Variants in MAPDA observed in about 807,000 individuals in gnomAD.
MAPDA encodes N6,N6-dimethyl-AMP deaminase.
chr15:43,342,984 T>A, the MAPDA span: 5 of 1,549,902 alleles, frequency 3.2e-6, no homozygotes, highest in African/African-American at 6.9e-5. Context: ...TTTCTATGTG[T>A]CCTTTCTAGG....
chr15:43,348,916 CA>C, the MAPDA span: 4 of 1,611,804 alleles, frequency 2.5e-6, no homozygotes, highest in Admixed American at 3.3e-5. Flanking sequence ...GATTCCAAAC[CA>C]AAAAAAAGAA....
the MAPDA span, chr15:43,351,842 A>G: frequency 2.6e-6 from 4 of 1,551,568 alleles, no homozygotes; most frequent in Non-Finnish European, 3.5e-6. Flanking sequence ...CAGGTGTGGG[A>G]TCTGTCTTAT....
At chr15:43,352,858 G>A in the MAPDA span, 2 of 152,140 alleles carry the variant, frequency 1.3e-5, no homozygotes, top group African/African-American at 4.8e-5. Context: ...TTGTCCCATC[G>A]GTACTAGAAA....
the MAPDA span, chr15:43,343,220 T>A: frequency 1.8e-6 from 1 of 551,620 alleles, no homozygotes; most frequent in African/African-American, 2.0e-5. Flanking sequence ...ACCCTGTTGT[T>A]TAAAGTGAGA....
chr15:43,333,528 A>G, the MAPDA span: 2 of 152,016 alleles, frequency 1.3e-5, no homozygotes, highest in Admixed American at 6.6e-5. Context: ...ATTTTTTACT[A>G]TTTATTAAGC....
chr15:43,335,659 T>A, the MAPDA span: 1 of 1,572,978 alleles, frequency 6.4e-7, no homozygotes. Flanking sequence ...ATGAATCTAT[T>A]GGATATTTGA....
the MAPDA span, chr15:43,349,015 G>C: frequency 6.2e-7 from 1 of 1,614,204 alleles, no homozygotes; most frequent in Non-Finnish European, 8.5e-7. Context: ...GGATCTGGTG[G>C]ACTTTGTGAG....
chr15:43,351,201 C>G, the MAPDA span: 1 of 641,572 alleles, frequency 1.6e-6, no homozygotes, highest in Non-Finnish European at 2.7e-6. Flanking sequence ...TGGCGCACAC[C>G]TGTAATCCCA....
the MAPDA span, chr15:43,335,211 A>G: frequency 6.3e-7 from 1 of 1,597,844 alleles, no homozygotes; most frequent in East Asian, 2.2e-5. Context: ...GTTGCTAATT[A>G]TAATGACTTT....
At chr15:43,330,594 C>T in the MAPDA span, 1 of 1,299,242 alleles carries the variant, frequency 7.7e-7, no homozygotes, top group Admixed American at 3.4e-5. Context: ...CACCCATGCT[C>T]CTGGACTTCC....
chr15:43,330,383 G>C, the MAPDA span: 1 of 1,604,738 alleles, frequency 6.2e-7, no homozygotes, highest in African/African-American at 1.3e-5. Context: ...CGCGGCAAAG[G>C]GGTCCTGCAC....
the MAPDA span, among the ~76,000 whole-genome samples, chr15:43,331,329 T>G: frequency 6.6e-6 from 1 of 152,234 alleles, no homozygotes; most frequent in South Asian, 2.1e-4. Context: ...GAGCTTTGTT[T>G]TTAAGGAGTA....
chr15:43,346,073 A>G, the MAPDA span: 10 of 1,511,770 alleles, frequency 6.6e-6, no homozygotes, highest in Non-Finnish European at 9.1e-6. Context: ...CATTCTCCAG[A>G]GTGTCCAACA....
chr15:43,338,183 A>G, the MAPDA span, among the ~76,000 whole-genome samples: 4 of 152,234 alleles, frequency 2.6e-5, no homozygotes, highest in Admixed American at 2.6e-4. Context: ...AAGTGAGAAG[A>G]TTCTGTGCAT....
the MAPDA span, among the ~76,000 whole-genome samples, chr15:43,338,047 TG>T: frequency 6.6e-6 from 1 of 152,216 alleles, no homozygotes; most frequent in African/African-American, 2.4e-5. Context: ...CTCACTTTGT[TG>T]ATGAGTGTTA....
At chr15:43,330,353 G>T in the MAPDA span, 1 of 1,603,544 alleles carries the variant, frequency 6.2e-7, no homozygotes. Context: ...TGCGCGGCGC[G>T]CCGCGCCCGG....
chr15:43,352,770 G>A, the MAPDA span: 2 of 152,200 alleles, frequency 1.3e-5, no homozygotes, highest in Non-Finnish European at 2.9e-5. Flanking sequence ...GTATACCAGG[G>A]ATTTATGTGA....
chr15:43,336,757 C>G, the MAPDA span: 1 of 1,275,488 alleles, frequency 7.8e-7, no homozygotes, highest in Non-Finnish European at 1.1e-6. Context: ...TTGCACATGG[C>G]CTTTCATTTT....
the MAPDA span, among the ~76,000 whole-genome samples, chr15:43,346,516 C>T: frequency 2.6e-5 from 4 of 152,256 alleles, no homozygotes; most frequent in African/African-American, 9.6e-5. Flanking sequence ...CCAAAAATGT[C>T]TCCAGACATT....
Sources: allele counts gnomAD v4.1 joint callset (sites outside exome capture counted in the v4.1 genomes callset), GRCh38; gene constraint gnomAD v4.1.1; transcripts MANE v1.5; gene names NCBI Gene and HGNC (gene_info 2026-07-23, HGNC 2026-07-21).